ADARB2: variants seen among roughly 807,000 people sequenced by gnomAD.
ADARB2 encodes inactive double-stranded RNA-specific editase B2.
Under a neutral mutation model 62.2 loss-of-function variants are expected in ADARB2, and 25 were observed. That is an observed-to-expected ratio of 0.40 (90% CI 0.29 to 0.56). ADARB2 has a LOEUF of 0.56. Among genes scored for constraint, ADARB2 ranks in the 20% least tolerant of loss-of-function variants. The pLI, the probability that ADARB2 is intolerant of heterozygous loss-of-function variation, is 0.43. For missense variants in ADARB2, 1,071 were observed against 1,077.4 expected, an observed-to-expected ratio of 0.99 and a Z score of 0.08; for synonymous variants, 572 against 500.8, an observed-to-expected ratio of 1.14 and a Z score of -1.90.
intron 1 of ADARB2, among the ~76,000 whole-genome samples, chr10:1,535,437 G>A (rs1239112933): frequency 3.3e-5 from 5 of 152,206 alleles, no homozygotes; most frequent in Non-Finnish European, 7.3e-5. Context: ...CAGATTAAAT[G>A]TATCTCCTTC....
chr10:1,264,739 C>T (rs1831178178), intron 4 of ADARB2, among the ~76,000 whole-genome samples: 2 of 152,206 alleles, frequency 1.3e-5, no homozygotes, highest in South Asian at 4.1e-4. Flanking sequence ...CGGACCACTT[C>T]CCTCAGAAGG....
intron 3 of ADARB2, among the ~76,000 whole-genome samples, chr10:1,323,370 C>T (rs931438308): frequency 6.6e-6 from 1 of 151,742 alleles, no homozygotes; most frequent in Admixed American, 6.6e-5. Flanking sequence ...GATTGGAAGA[C>T]TGAAATAGAA....
chr10:1,596,659 G>A (rs927950655), intron 1 of ADARB2, among the ~76,000 whole-genome samples: 1 of 152,190 alleles, frequency 6.6e-6, no homozygotes, highest in African/African-American at 2.4e-5. Flanking sequence ...GAGACCAGGG[G>A]AGCACTGCTC....
Position 1,363,831 on chromosome 10 carries a change from C to T in ADARB2, c.274G>A (p.Gly92Ser), listed in dbSNP as rs1041764548. 4 of 1,567,930 alleles carry T rather than the reference C, an allele frequency of 2.6e-6. No individual in the cohort carries two copies. Among genetic ancestry groups the T allele is most frequent in the Non-Finnish European group, 3.4e-6 (4 of 1,164,784 alleles). Residue 92 changes from glycine to serine, a missense_variant, in exon 3 of 10, where the codon GGC becomes AGC. By Grantham distance (56) the Gly-to-Ser change is moderately conservative. Coordinates refer to ENST00000381312, the MANE Select transcript of ADARB2 (RefSeq NM_018702.4). ...PPPSGDRARG[G>S]APGAKRKRPL... ...CGCTTCCTCTTCGCGCCGGGCGCGC[C>T]GCCCCGGGCCCGGTCCCCGGAGGGC...
chr10:1,603,020 A>C (rs113506260), intron 1 of ADARB2, among the ~76,000 whole-genome samples: 4 of 86,612 alleles, frequency 4.6e-5, no homozygotes, highest in Non-Finnish European at 1.1e-4. Flanking sequence ...ACACACACAT[A>C]CACACATCAA....
At chr10:1,270,637 T>C (rs1177621658) in intron 4 of ADARB2, among the ~76,000 whole-genome samples, 1 of 152,040 alleles carries the variant, frequency 6.6e-6, no homozygotes, top group African/African-American at 2.4e-5. Flanking sequence ...GCGTTCGGGG[T>C]GGGTTACACC....
Position 1,222,244 on chromosome 10 carries a change from G to A in ADARB2, c.1514-5125C>T, listed in dbSNP as rs144897773. ...TGAGAAGTGTTTGTTCATATCCTTC[G>A]CCCACTTTTTGAATGGGGTTGTTTT... is the stretch of plus-strand genomic sequence containing the variant. On this transcript the variant is annotated intron_variant, in intron 6 of 9. Coordinates refer to ENST00000381312, the MANE Select transcript of ADARB2 (RefSeq NM_018702.4). Among the ~76,000 whole-genome samples, 138 of 152,184 alleles carry A rather than the reference G, an allele frequency of 9.1e-4. 1 individual carries two copies. In the East Asian group the frequency reaches 0.014, roughly 16 times the overall value.
At chr10:1,430,033 T>A (rs1830764158) in intron 1 of ADARB2, among the ~76,000 whole-genome samples, 1 of 152,198 alleles carries the variant, frequency 6.6e-6, no homozygotes, top group Non-Finnish European at 1.5e-5. Context: ...AAAATCGTGC[T>A]AAGTATCCTT....
chr10:1,534,179 C>T (rs1423099764), intron 1 of ADARB2, among the ~76,000 whole-genome samples: 1 of 151,400 alleles, frequency 6.6e-6, no homozygotes, highest in Non-Finnish European at 1.5e-5. Flanking sequence ...CTTTGTCGCC[C>T]AGGCTGGAGT....
intron 1 of ADARB2, among the ~76,000 whole-genome samples, chr10:1,602,948 G>T (rs1833440995): frequency 7.1e-6 from 1 of 141,722 alleles, no homozygotes; most frequent in African/African-American, 2.5e-5. Context: ...GCGCACACCT[G>T]TACACACATG....
rs747487931 is a variant in ADARB2, at chr10:1,185,049, A to G, written c.1865-10T>C. ...TCGGCGTCACTCACGCCTGTCGGGGAGATGGGGAAAGGCGGGCGTTAATAT... is the reference window on the plus strand; with the variant it reads ...TCGGCGTCACTCACGCCTGTCGGGGGGATGGGGAAAGGCGGGCGTTAATAT... On this transcript the variant is annotated splice_polypyrimidine_tract_variant and intron_variant, in intron 8 of 9. Coordinates refer to ENST00000381312, the MANE Select transcript of ADARB2 (RefSeq NM_018702.4). 1 of 1,607,106 alleles carries G rather than the reference A, an allele frequency of 6.2e-7. No homozygotes were observed. The highest frequency in any genetic ancestry group is 8.5e-7 in the Non-Finnish European group (1 of 1,176,206).
intron 1 of ADARB2, among the ~76,000 whole-genome samples, chr10:1,417,682 T>C (rs1832816538): frequency 6.6e-6 from 1 of 152,222 alleles, no homozygotes; most frequent in African/African-American, 2.4e-5. Context: ...CTCCCCACTC[T>C]TCACTCCTGT....
At chr10:1,301,955 G>A (rs1416249036) in intron 3 of ADARB2, among the ~76,000 whole-genome samples, 1 of 152,102 alleles carries the variant, frequency 6.6e-6, no homozygotes, top group Admixed American at 6.6e-5. Context: ...TCACAGGAGG[G>A]CTCACTCTGG....
chr10:1,446,341 G>C (rs1384421390), intron 1 of ADARB2, among the ~76,000 whole-genome samples: 6 of 152,146 alleles, frequency 3.9e-5, no homozygotes, highest in Admixed American at 3.9e-4. Flanking sequence ...AATCGTCATA[G>C]TAAGAAAAAT....
At chr10:1,259,335 C>T (rs1380893756) in intron 4 of ADARB2, among the ~76,000 whole-genome samples, 3 of 152,044 alleles carry the variant, frequency 2.0e-5, no homozygotes, top group African/African-American at 4.8e-5. Context: ...CACAAAAAAC[C>T]TTCAAAAAAT....
chr10:1,702,854 T>C (rs549699724), intron 1 of ADARB2, among the ~76,000 whole-genome samples: 1 of 152,354 alleles, frequency 6.6e-6, no homozygotes, highest in Non-Finnish European at 1.5e-5. Context: ...TAAAAGCAGA[T>C]TGCAATGCAA....
chr10:1,715,420 G>A (rs914593646), intron 1 of ADARB2, among the ~76,000 whole-genome samples: 7 of 152,060 alleles, frequency 4.6e-5, no homozygotes, highest in African/African-American at 1.7e-4. Flanking sequence ...GTTTTTTACT[G>A]TACAAATAGA....
At chr10:1,715,040 C>T (rs1377157431) in intron 1 of ADARB2, among the ~76,000 whole-genome samples, 1 of 133,048 alleles carries the variant, frequency 7.5e-6, no homozygotes, top group Non-Finnish European at 1.6e-5. Context: ...GTGTGATGTT[C>T]CCAACAAGGG....
At chr10:1,693,199 G>A (rs917222591) in intron 1 of ADARB2, among the ~76,000 whole-genome samples, 3 of 152,202 alleles carry the variant, frequency 2.0e-5, no homozygotes, top group Non-Finnish European at 4.4e-5. Context: ...GAGAGTAAAA[G>A]CCTGGGGTTT....
Sources: gnomAD v4.1 joint callset for allele counts (sites outside exome capture counted in the v4.1 genomes callset) on GRCh38, gnomAD v4.1.1 for gene constraint, MANE v1.5 for transcripts, NCBI Gene and HGNC (gene_info 2026-07-23, HGNC 2026-07-21) for gene names.